PPP2R2B: variants seen among roughly 807,000 people sequenced by gnomAD.
The protein encoded by PPP2R2B is serine/threonine-protein phosphatase 2A 55 kDa regulatory subunit B beta isoform.
In PPP2R2B, 5 loss-of-function variants were observed where a neutral mutation model predicts 46.0. The ratio of observed to expected loss-of-function variants is 0.11; its 90% confidence interval spans 0.06 to 0.23. The LOEUF is 0.23. PPP2R2B is among the 10% of genes least tolerant of loss of function. PPP2R2B has a pLI of 1.00. For missense variants in PPP2R2B, 367 were observed against 575.0 expected, an observed-to-expected ratio of 0.64 and a Z score of 3.70; for synonymous variants, 215 against 206.7, an observed-to-expected ratio of 1.04 and a Z score of -0.34.
At chr5:146,813,904 A>G (rs1279411893) in intron 2 of PPP2R2B, among the ~76,000 whole-genome samples, 1 of 152,184 alleles carries the variant, frequency 6.6e-6, no homozygotes, top group Non-Finnish European at 1.5e-5. Flanking sequence ...AGATGGCAAC[A>G]GTTTAGACCA....
intron 2 of PPP2R2B, among the ~76,000 whole-genome samples, chr5:146,771,814 T>C (rs1257116623): frequency 2.0e-5 from 3 of 152,142 alleles, no homozygotes; most frequent in Non-Finnish European, 4.4e-5. Context: ...TTCTAGCCAA[T>C]GCAATGTGGG....
In PPP2R2B at chr5:146,808,958, GGTGTGTGT is replaced by G. The variant is rs35023590; in HGVS notation, c.70+69036_70+69043del. 6.5e-3 allele frequency among the ~76,000 whole-genome samples: 956 copies of G among 146,350 alleles called. 5 individuals are homozygous for G. The highest frequency in any genetic ancestry group is 0.01 in the Non-Finnish European group (674 of 67,108). On this transcript the variant is annotated intron_variant, in intron 2 of 9. Transcript: ENST00000394411. Reference sequence around the variant, plus strand: ...GGCAGAAATGCCAGCTGCTAACACTGGTGTGTGTGTGTGTGTGTGTGTGTGTGTGTGTG... The same window carrying G: ...GGCAGAAATGCCAGCTGCTAACACTGGTGTGTGTGTGTGTGTGTGTGTGTG...
chr5:146,965,413 G>A (rs748204535), intron 1 of PPP2R2B, among the ~76,000 whole-genome samples: 6 of 152,206 alleles, frequency 3.9e-5, no homozygotes, highest in Non-Finnish European at 7.3e-5. Flanking sequence ...TAATGGGAAA[G>A]TGCAGAGAGT....
chr5:147,049,541 T>G (rs574463185), intron 1 of PPP2R2B, among the ~76,000 whole-genome samples: 2 of 152,254 alleles, frequency 1.3e-5, no homozygotes, highest in Admixed American at 6.5e-5. Flanking sequence ...TAGGAGTGGA[T>G]GAGATCACTT....
intron 1 of PPP2R2B, among the ~76,000 whole-genome samples, chr5:146,920,845 A>G (rs377002490): frequency 3.6e-4 from 55 of 152,318 alleles, no homozygotes; most frequent in African/African-American, 1.2e-3. Flanking sequence ...TCTGAATCTC[A>G]TAGAATTCTG....
chr5:147,075,749 C>T (rs1372653811), intron 2 of PPP2R2B, among the ~76,000 whole-genome samples: 2 of 152,098 alleles, frequency 1.3e-5, no homozygotes, highest in Non-Finnish European at 2.9e-5. Context: ...AAAATCTAGC[C>T]TATTGCCTCC....
chr5:146,747,402 C>T (rs968288455), intron 2 of PPP2R2B, among the ~76,000 whole-genome samples: 2 of 152,180 alleles, frequency 1.3e-5, no homozygotes, highest in Admixed American at 6.5e-5. Context: ...CACCAAAGCA[C>T]TCCAGGGCAT....
chr5:147,037,988 G>A (rs1009191321), intron 1 of PPP2R2B, among the ~76,000 whole-genome samples: 17 of 152,258 alleles, frequency 1.1e-4, no homozygotes, highest in South Asian at 2.1e-4. Flanking sequence ...GTATTTATTA[G>A]ATCAGTTCCT....
At chr5:147,036,728 T>C (rs1210592456) in intron 1 of PPP2R2B, among the ~76,000 whole-genome samples, 1 of 152,196 alleles carries the variant, frequency 6.6e-6, no homozygotes, top group Non-Finnish European at 1.5e-5. Flanking sequence ...AGATGGTATT[T>C]CATTGTGGTT....
chr5:146,707,183 T>A, intron 2 of PPP2R2B: 2 of 1,580,880 alleles, frequency 1.3e-6, no homozygotes, highest in Non-Finnish European at 1.7e-6. Flanking sequence ...AGGCTGTTGA[T>A]GTAGCTCTCG....
chr5:146,698,306 AAAAAAAAAAAAATAT>A (rs1355780952), intron 3 of PPP2R2B, among the ~76,000 whole-genome samples, 162 bp from the exon 4 acceptor site: 3 of 89,650 alleles, frequency 3.3e-5, no homozygotes, highest in African/African-American at 1.5e-4. Context: ...CTGAAAAAAA[AAAAAAAAAAAAATAT>A]ATATATATAT....
intron 1 of PPP2R2B, among the ~76,000 whole-genome samples, chr5:147,007,430 A>G (rs1249114513): frequency 6.6e-6 from 1 of 152,174 alleles, no homozygotes; most frequent in African/African-American, 2.4e-5. Flanking sequence ...AAAGGTTTGT[A>G]AATGCACCAA....
intron 5 of PPP2R2B, among the ~76,000 whole-genome samples, chr5:146,685,968 A>T (rs1778476733): frequency 6.6e-6 from 1 of 152,168 alleles, no homozygotes; most frequent in Non-Finnish European, 1.5e-5. Flanking sequence ...ATAATAAAAC[A>T]TTCCTGCCCC....
At chr5:146,998,932 G>A (rs1189890704) in intron 1 of PPP2R2B, among the ~76,000 whole-genome samples, 1 of 149,780 alleles carries the variant, frequency 6.7e-6, no homozygotes, top group Non-Finnish European at 1.5e-5. Flanking sequence ...TGTCAGAGCG[G>A]GAACCCGGGA....
chr5:147,071,252 A>C (rs1165099693), intron 2 of PPP2R2B, among the ~76,000 whole-genome samples: 1 of 152,070 alleles, frequency 6.6e-6, no homozygotes, highest in Non-Finnish European at 1.5e-5. Context: ...TCACCTAGGG[A>C]ATTTATCAGC....
intron 5 of PPP2R2B, among the ~76,000 whole-genome samples, chr5:146,657,807 C>G (rs1301398173): frequency 6.6e-6 from 1 of 152,092 alleles, no homozygotes; most frequent in African/African-American, 2.4e-5. Flanking sequence ...CAATTTAAAT[C>G]CACACTTGCT....
At chr5:146,842,481 CTTT>C (rs1290808345) in intron 2 of PPP2R2B, among the ~76,000 whole-genome samples, 4 of 135,250 alleles carry the variant, frequency 3.0e-5, no homozygotes, top group Non-Finnish European at 3.1e-5. Context: ...CCTCCATGCC[CTTT>C]TTTTTTTTTT....
intron 2 of PPP2R2B, among the ~76,000 whole-genome samples, chr5:146,873,126 C>T (rs188341962): frequency 5.3e-5 from 8 of 152,286 alleles, no homozygotes; most frequent in South Asian, 2.1e-4. Context: ...TTTAGTGATG[C>T]GCCCCATTAT....
At chr5:146,779,065 T>G (rs1187461445) in intron 2 of PPP2R2B, among the ~76,000 whole-genome samples, 1 of 152,186 alleles carries the variant, frequency 6.6e-6, no homozygotes, top group African/African-American at 2.4e-5. Flanking sequence ...ATTTGATTCG[T>G]GGGCTGAGCC....
Sources: allele counts gnomAD v4.1 joint callset (sites outside exome capture counted in the v4.1 genomes callset), GRCh38; gene constraint gnomAD v4.1.1; transcripts MANE v1.5; gene names NCBI Gene and HGNC (gene_info 2026-07-23, HGNC 2026-07-21).